VPS13B: variants seen among roughly 807,000 people sequenced by gnomAD.
VPS13B encodes intermembrane lipid transfer protein VPS13B.
VPS13B carries 285 observed loss-of-function variants against 426.4 expected under a neutral mutation model. That is an observed-to-expected ratio of 0.67 (90% CI 0.61 to 0.74). The LOEUF (loss-of-function observed/expected upper bound fraction) is 0.74, where lower values mean the gene tolerates loss of function less well. VPS13B is among the 30% of genes least tolerant of loss of function. The probability of loss-of-function intolerance (pLI) is 0.00; values close to 1 mark genes in which losing one functional copy is unlikely to be tolerated. For synonymous variants in VPS13B, 1,676 were observed against 1,676.4 expected, an observed-to-expected ratio of 1.00 and a Z score of 0.01; for missense variants, 4,537 against 4,782.6, an observed-to-expected ratio of 0.95 and a Z score of 1.51.
In VPS13B at chr8:99,875,471, C is replaced by CTACA; in HGVS notation, c.11801_11804dup (p.Thr3936HisfsTer32). Reference sequence around the variant, plus strand: ...AGCAACAGTACAACAGACTGGTGGACTACATCACAAAGACATCTTGTCACC... The same window carrying CTACA: ...AGCAACAGTACAACAGACTGGTGGACTACATACATCACAAAGACATCTTGTCACC... On this transcript the variant is annotated frameshift_variant, in exon 62 of 62. Transcript: ENST00000357162. LOFTEE classifies it high-confidence loss of function. The CTACA allele has an allele frequency of 6.2e-7, 1 of 1,614,182 alleles. No homozygotes were observed. Among genetic ancestry groups the CTACA allele is most frequent in the South Asian group, 1.1e-5 (1 of 91,080 alleles).
intron 3 of VPS13B, among the ~76,000 whole-genome samples, chr8:99,054,013 C>T (rs1843704164): frequency 1.3e-5 from 2 of 152,138 alleles, no homozygotes; most frequent in African/African-American, 4.8e-5. Context: ...CCAGGGTTTC[C>T]TTTTTTCTAG....
intron 39 of VPS13B, among the ~76,000 whole-genome samples, chr8:99,761,757 T>C (rs556553540): frequency 9.5e-4 from 144 of 152,318 alleles, no homozygotes; most frequent in African/African-American, 2.8e-3. Context: ...GGGTGGATGA[T>C]AGGCAATTTT....
chr8:99,556,960 G>A (rs575349560), intron 31 of VPS13B, among the ~76,000 whole-genome samples: 126 of 144,944 alleles, frequency 8.7e-4, no homozygotes, highest in Admixed American at 2.6e-3. Flanking sequence ...AAAATCTATT[G>A]TATTTGGGGT....
intron 39 of VPS13B, among the ~76,000 whole-genome samples, chr8:99,765,206 C>T (rs1811154773): frequency 6.6e-6 from 1 of 152,178 alleles, no homozygotes; most frequent in Non-Finnish European, 1.5e-5. Context: ...GATCGTACCA[C>T]TTCACTCCAG....
At chr8:99,048,866 A>T (rs1003165813) in intron 3 of VPS13B, among the ~76,000 whole-genome samples, 5 of 150,578 alleles carry the variant, frequency 3.3e-5, no homozygotes, top group African/African-American at 1.2e-4. Context: ...ATATGTATTT[A>T]GGATTCTGAT....
intron 21 of VPS13B, among the ~76,000 whole-genome samples, chr8:99,418,731 G>T (rs1003671419): frequency 6.6e-6 from 1 of 151,842 alleles, no homozygotes; most frequent in Non-Finnish European, 1.5e-5. Context: ...CTTTATCTTA[G>T]TTTTTCATGA....
chr8:99,674,180 A>G (rs1476990752), intron 35 of VPS13B, among the ~76,000 whole-genome samples: 2 of 152,028 alleles, frequency 1.3e-5, no homozygotes, highest in Non-Finnish European at 2.9e-5. Flanking sequence ...TGCTGAAAGT[A>G]AAGTGTTAAA....
intron 29 of VPS13B, among the ~76,000 whole-genome samples, chr8:99,512,918 A>G (rs1342317261): frequency 2.0e-5 from 3 of 151,920 alleles, no homozygotes; most frequent in Non-Finnish European, 4.4e-5. Context: ...CTGAGGTGGG[A>G]TAATTGCTTG....
chr8:99,730,139 A>C (rs1833532439), intron 39 of VPS13B, among the ~76,000 whole-genome samples: 1 of 152,234 alleles, frequency 6.6e-6, no homozygotes, highest in Non-Finnish European at 1.5e-5. Context: ...GAGCCTTTTT[A>C]TAAGCACCTC....
At chr8:99,460,838 G>T (rs572617216) in intron 23 of VPS13B, among the ~76,000 whole-genome samples, 1 of 152,150 alleles carries the variant, frequency 6.6e-6, no homozygotes, top group African/African-American at 2.4e-5. Context: ...TTTGATCATG[G>T]CAGCAATGCC....
intron 23 of VPS13B, among the ~76,000 whole-genome samples, chr8:99,458,253 T>C (rs1197050710): frequency 6.6e-6 from 1 of 152,154 alleles, no homozygotes; most frequent in Non-Finnish European, 1.5e-5. Flanking sequence ...GAACTCATCA[T>C]TTTTTATGGC....
intron 31 of VPS13B, among the ~76,000 whole-genome samples, chr8:99,559,693 G>A (rs1255843634): frequency 3.3e-5 from 5 of 152,092 alleles, no homozygotes; most frequent in East Asian, 1.9e-4. Flanking sequence ...TTTTTGTCAG[G>A]TTTGTCAAAG....
chr8:99,313,062 C>T (rs1277123337), intron 19 of VPS13B, among the ~76,000 whole-genome samples: 2 of 152,136 alleles, frequency 1.3e-5, no homozygotes, highest in African/African-American at 2.4e-5. Context: ...TCTAGTTAGC[C>T]ATTCATCTAA....
intron 6 of VPS13B, among the ~76,000 whole-genome samples, chr8:99,113,125 G>A (rs558431211): frequency 1.5e-5 from 2 of 130,278 alleles, no homozygotes; most frequent in Non-Finnish European, 3.1e-5. Flanking sequence ...CTTTACCTTC[G>A]AGGCTCCCTG....
chr8:99,786,293 G>A (rs1437168266), intron 43 of VPS13B, among the ~76,000 whole-genome samples: 1 of 152,084 alleles, frequency 6.6e-6, no homozygotes, highest in Non-Finnish European at 1.5e-5. Flanking sequence ...CAGCATTCCT[G>A]TGCAGTATTA....
At position 99,224,921 on chromosome 8, in the gene VPS13B, C is replaced by T. The variant is rs990551349; in HGVS notation, c.2515+31864C>T. On this transcript the variant is annotated intron_variant, in intron 17 of 61. Transcript: ENST00000357162. ...TCCCAAGGTCTCATTTTATCTTCCT[C>T]TTTTCTGTCACAGAGAAATGACTTA... Among the ~76,000 whole-genome samples, 4 of 152,270 alleles carry T rather than the reference C, an allele frequency of 2.6e-5. No homozygotes were observed. In the East Asian group the frequency reaches 7.7e-4, roughly 29 times the overall value.
intron 19 of VPS13B, among the ~76,000 whole-genome samples, chr8:99,285,721 C>T (rs566380264): frequency 6.6e-6 from 1 of 152,200 alleles, no homozygotes; most frequent in East Asian, 1.9e-4. Flanking sequence ...TAGTAGCTTT[C>T]ATATAGGCCA....
chr8:99,718,625 A>G (rs1350485071), intron 37 of VPS13B, among the ~76,000 whole-genome samples: 1 of 151,752 alleles, frequency 6.6e-6, no homozygotes, highest in African/African-American at 2.4e-5. Flanking sequence ...AAAACAACTA[A>G]TTGGTCAATA....
chr8:99,154,728 A>G (rs994870744), intron 14 of VPS13B, among the ~76,000 whole-genome samples: 8 of 152,192 alleles, frequency 5.3e-5, no homozygotes, highest in Non-Finnish European at 1.2e-4. Flanking sequence ...GAATAAGTAC[A>G]GATTGAAATA....
Sources: gnomAD v4.1 joint callset for allele counts (sites outside exome capture counted in the v4.1 genomes callset) on GRCh38, gnomAD v4.1.1 for gene constraint, MANE v1.5 for transcripts, NCBI Gene and HGNC (gene_info 2026-07-23, HGNC 2026-07-21) for gene names.